The following SLC44A5 variants were observed in gnomAD, a reference collection of about 807,000 sequenced individuals.
SLC44A5 encodes the protein solute carrier family 44 member 5, also known as choline transporter-like protein 5.
In SLC44A5, 57 loss-of-function variants were observed where a neutral mutation model predicts 101.8. That is an observed-to-expected ratio of 0.56 (90% confidence interval 0.45 to 0.70). The LOEUF (loss-of-function observed/expected upper bound fraction) is 0.70, where lower values mean the gene tolerates loss of function less well. Ranked by LOEUF, SLC44A5 falls within the 30% of genes least tolerant of loss-of-function variation. The probability of loss-of-function intolerance (pLI) is 0.00; values close to 1 mark genes in which losing one functional copy is unlikely to be tolerated. For synonymous variants in SLC44A5, 281 were observed against 290.9 expected (o/e 0.97, Z 0.35); for missense variants, 737 against 853.1 (o/e 0.86, Z 1.70).
the SLC44A5 span, among the ~76,000 whole-genome samples, chr1:75,674,622 C>A: frequency 5.0e-5 from 1 of 20,056 alleles, no homozygotes; most frequent in Non-Finnish European, 1.2e-4. Flanking sequence ...TCGGGTGATC[C>A]CCCCCAACCT....
intron 1 of SLC44A5, 84 bp from the exon 2 acceptor site, chr1:75,541,600 A>T: frequency 1.3e-6 from 1 of 770,636 alleles, no homozygotes; most frequent in Non-Finnish European, 2.0e-6. Flanking sequence ...GAATGCTCTC[A>T]TAACTTACTA....
intron 1 of SLC44A5, among the ~76,000 whole-genome samples, chr1:75,580,949 G>T (rs975948978): frequency 6.6e-6 from 1 of 152,050 alleles, no homozygotes; most frequent in Non-Finnish European, 1.5e-5. Context: ...CTACAAGATG[G>T]AATTAGTGCC....
chr1:75,480,936 T>G (rs748790787), intron 2 of SLC44A5, among the ~76,000 whole-genome samples: 6 of 152,088 alleles, frequency 3.9e-5, no homozygotes, highest in Non-Finnish European at 7.4e-5. Flanking sequence ...AAAAGAGCCC[T>G]CATCGTCAAG....
upstream of SLC44A5, chr1:75,615,819 G>A (rs1675855024): frequency 1.4e-5 from 14 of 978,280 alleles, no homozygotes; most frequent in Non-Finnish European, 1.7e-5. Context: ...GTGAGAGAGG[G>A]GAGGCGGCGA....
chr1:75,428,968 G>A (rs1304063242), intron 2 of SLC44A5, among the ~76,000 whole-genome samples: 2 of 152,126 alleles, frequency 1.3e-5, no homozygotes, highest in African/African-American at 4.8e-5. Flanking sequence ...CATATAGGTG[G>A]TCACTAAATA....
the SLC44A5 span, among the ~76,000 whole-genome samples, chr1:75,681,375 C>T: frequency 4.0e-5 from 6 of 151,784 alleles, no homozygotes; most frequent in Non-Finnish European, 5.9e-5. Flanking sequence ...ACTGGCAAAC[C>T]GAATCCAGCA....
chr1:75,333,808 AC>A (rs2101010749), intron 4 of SLC44A5, among the ~76,000 whole-genome samples: 1 of 152,262 alleles, frequency 6.6e-6, no homozygotes, highest in South Asian at 2.1e-4. Flanking sequence ...AGCAGAGGTG[AC>A]CCTTGCACTC....
At chr1:75,550,884 C>A (rs190026) in intron 1 of SLC44A5, among the ~76,000 whole-genome samples, 2 of 152,136 alleles carry the variant, frequency 1.3e-5, no homozygotes, top group African/African-American at 4.8e-5. Flanking sequence ...CTAGGATATC[C>A]TATGCTAAGA....
chr1:75,329,360 A>G (rs1239277449), intron 4 of SLC44A5, among the ~76,000 whole-genome samples: 1 of 152,074 alleles, frequency 6.6e-6, no homozygotes, highest in African/African-American at 2.4e-5. Context: ...CATGAATCCA[A>G]TTCTCTTTTC....
chr1:75,247,782 T>C (rs968281768), intron 7 of SLC44A5, among the ~76,000 whole-genome samples: 28 of 152,076 alleles, frequency 1.8e-4, no homozygotes, highest in African/African-American at 6.3e-4. Context: ...GTGGATTTAA[T>C]ACTAACCATT....
At chr1:75,439,571 A>G (rs914665720) in intron 2 of SLC44A5, among the ~76,000 whole-genome samples, 1 of 152,038 alleles carries the variant, frequency 6.6e-6, no homozygotes, top group African/African-American at 2.4e-5. Context: ...AAAAATCTCA[A>G]TGGTTGAAAT....
chr1:75,723,095 G>A, the SLC44A5 span, among the ~76,000 whole-genome samples: 1 of 152,064 alleles, frequency 6.6e-6, no homozygotes, highest in Non-Finnish European at 1.5e-5. Context: ...AAAGTTCTAA[G>A]TTGCTAGCCA....
the SLC44A5 span, among the ~76,000 whole-genome samples, chr1:75,686,499 T>C: frequency 3.3e-5 from 5 of 152,128 alleles, no homozygotes; most frequent in African/African-American, 1.2e-4. Context: ...TTTTTGGCCT[T>C]TTGAGAAACA....
chr1:75,666,851 A>G, the SLC44A5 span, among the ~76,000 whole-genome samples: 2 of 152,314 alleles, frequency 1.3e-5, no homozygotes, highest in African/African-American at 4.8e-5. Context: ...TATTATCTCA[A>G]TAGATGCAGA....
chr1:75,616,443 G>T, the SLC44A5 span, among the ~76,000 whole-genome samples: 1 of 152,214 alleles, frequency 6.6e-6, no homozygotes, highest in Non-Finnish European at 1.5e-5. Context: ...CCTCCGGCCT[G>T]CCTTCCTCTG....
intron 2 of SLC44A5, among the ~76,000 whole-genome samples, chr1:75,476,198 TA>T (rs1344311268): frequency 6.6e-6 from 1 of 151,768 alleles, no homozygotes; most frequent in Non-Finnish European, 1.5e-5. Context: ...AAAAAGTATA[TA>T]TATATATATA....
At chr1:75,719,358 A>G in the SLC44A5 span, among the ~76,000 whole-genome samples, 1 of 152,162 alleles carries the variant, frequency 6.6e-6, no homozygotes, top group Admixed American at 6.5e-5. Context: ...GCTGATCACT[A>G]TTCCTGCTAC....
intron 2 of SLC44A5, among the ~76,000 whole-genome samples, chr1:75,455,168 A>G (rs1311739765): frequency 1.3e-5 from 2 of 152,150 alleles, no homozygotes; most frequent in Non-Finnish European, 2.9e-5. Flanking sequence ...AAAAACAGAC[A>G]CATGGATCAA....
the SLC44A5 span, among the ~76,000 whole-genome samples, chr1:75,666,772 C>T: frequency 6.6e-6 from 1 of 152,168 alleles, no homozygotes; most frequent in South Asian, 2.1e-4. Context: ...GCATGCAAGG[C>T]TGGTTCAACA....
Sources: allele counts gnomAD v4.1 joint callset (sites outside exome capture counted in the v4.1 genomes callset), GRCh38; gene constraint gnomAD v4.1.1; transcripts MANE v1.5; gene names NCBI Gene and HGNC (gene_info 2026-07-23, HGNC 2026-07-21).